The following ZNF236 variants were observed in gnomAD, a reference collection of about 807,000 sequenced individuals.
ZNF236 encodes the protein zinc finger protein 236.
In ZNF236, 50 loss-of-function variants were observed where a neutral mutation model predicts 191.2. The observed-to-expected ratio is 0.26, with a 90% CI of 0.21 to 0.33. ZNF236 has a LOEUF of 0.33. ZNF236 is among the 10% of genes least tolerant of loss of function. The pLI is 1.00. For synonymous variants in ZNF236, 907 were observed against 928.8 expected, an observed-to-expected ratio of 0.98 and a Z score of 0.43; for missense variants, 1,754 against 2,374.5, an observed-to-expected ratio of 0.74 and a Z score of 5.43.
intron 1 of ZNF236, among the ~76,000 whole-genome samples, chr18:76,829,389 A>G (rs1031805812): frequency 5.4e-5 from 8 of 148,084 alleles, no homozygotes; most frequent in South Asian, 2.1e-4. Context: ...GTGCAGTGCT[A>G]TGATCTCGGC....
intron 1 of ZNF236, among the ~76,000 whole-genome samples, chr18:76,834,266 A>C (rs1236312663): frequency 6.6e-6 from 1 of 151,790 alleles, no homozygotes; most frequent in Non-Finnish European, 1.5e-5. Flanking sequence ...GAATTTTAAC[A>C]ATCTTCTCAA....
At chr18:76,824,316 G>A (rs766926760) in intron 1 of ZNF236, 16 of 780,980 alleles carry the variant, frequency 2.0e-5, no homozygotes, top group Non-Finnish European at 3.6e-5. Flanking sequence ...TTACGGAAAC[G>A]TTGGTGACCA....
chr18:76,879,786 A>G (rs1432900137), intron 7 of ZNF236, among the ~76,000 whole-genome samples: 1 of 152,176 alleles, frequency 6.6e-6, no homozygotes, highest in African/African-American at 2.4e-5. Context: ...AATTTGTGTA[A>G]CTTGATATTT....
chr18:76,860,969 A>G (rs748643755), intron 3 of ZNF236, among the ~76,000 whole-genome samples: 11 of 152,126 alleles, frequency 7.2e-5, no homozygotes, highest in African/African-American at 1.4e-4. Context: ...GGGAGCTGTG[A>G]GGATGCTTCA....
Position 76,959,984 on chromosome 18 carries a change from A to G in ZNF236, c.5242+168A>G, listed in dbSNP as rs912793650. On this transcript the variant is annotated intron_variant, in intron 29 of 30. Transcript: ENST00000320610. ...GAGTTTTGACCTATTTATTGTCATA[A>G]CTAACTTTTCACATGGAAGATTTTG... Among the ~76,000 whole-genome samples, 8 of 152,182 alleles carry G rather than the reference A, an allele frequency of 5.3e-5. No individual in the cohort carries two copies. The East Asian group carries it at 1.5e-3, about 29-fold the overall frequency.
In ZNF236 at chr18:76,972,032, C is replaced by T. The variant is rs1370015550; in HGVS notation, c.*3693C>T. Among the ~76,000 whole-genome samples the T allele has an allele frequency of 3.9e-5, 6 of 152,176 alleles. No individual in the cohort carries two copies. The highest frequency in any genetic ancestry group is 2.4e-5 in the African/African-American group (1 of 41,424). On this transcript the variant is annotated 3_prime_UTR_variant, in exon 31 of 31. Transcript: ENST00000320610. ...TAAGTGAGGCAGAGATGAGATTATG[C>T]GGCGGATACTTCTGAAGGAAGCGTT...
chr18:76,823,979 G>T (rs1181668474), intron 1 of ZNF236, among the ~76,000 whole-genome samples: 1 of 152,210 alleles, frequency 6.6e-6, no homozygotes, highest in Non-Finnish European at 1.5e-5. Flanking sequence ...GGGGTTCTAA[G>T]GGGGAGTGGG....
rs368040309 is a variant in ZNF236, at chr18:76,855,984, AG to A, written c.363+4046del. Among the ~76,000 whole-genome samples the A allele has an allele frequency of 2.3e-3, 344 of 152,322 alleles. 1 individual carries two copies. Among genetic ancestry groups the A allele is most frequent in the African/African-American group, 7.6e-3 (318 of 41,576 alleles). ...TTGATATTGTCAAATTGTTTTCCAA[AG>A]AGATTTTGTCAGTTTATCCTCCAGC... On this transcript the variant is annotated intron_variant, in intron 3 of 30. Transcript: ENST00000320610.
rs1236714714 is a variant in ZNF236, at chr18:76,925,321, C to G, written c.3794C>G (p.Ser1265Trp). 6.2e-7 allele frequency: 1 copy of G among 1,614,148 alleles called. No individual in the cohort carries two copies. Among genetic ancestry groups the G allele is most frequent in the Non-Finnish European group, 8.5e-7 (1 of 1,180,036 alleles). The change falls in exon 22 of 31, where the codon TCG (serine) becomes TGG (tryptophan). Residue 1265 changes from serine (S) to tryptophan (W), a missense_variant. Physicochemically the swap from Ser to Trp is radical, Grantham distance 177 (BLOSUM62 -3). Transcript: ENST00000320610. The surrounding 1 kb of genome is among the most constrained non-coding windows in gnomAD (Gnocchi z 5.7). ...CPHCELRFRT[S>W]GRRKTHMQFH... ...CATTGCGAGCTGCGTTTCCGTACCTCGGGTAGAAGAAAGACACACATGCAG... is the reference window on the plus strand; with the variant it reads ...CATTGCGAGCTGCGTTTCCGTACCTGGGGTAGAAGAAAGACACACATGCAG...
intron 11 of ZNF236, among the ~76,000 whole-genome samples, chr18:76,899,885 T>C (rs1568219564): frequency 6.6e-6 from 1 of 152,172 alleles, no homozygotes; most frequent in Admixed American, 6.5e-5. Flanking sequence ...TTCTCACAGT[T>C]CTAGAGGCTG....
chr18:76,956,207 G>T, intron 28 of ZNF236, 25 bp downstream of exon 28: 1 of 1,540,644 alleles, frequency 6.5e-7, no homozygotes, highest in Non-Finnish European at 8.7e-7. Context: ...CCAGGGCACA[G>T]CTGTGTGCCC....
intron 27 of ZNF236, among the ~76,000 whole-genome samples, chr18:76,954,632 A>C (rs1007142347): frequency 2.0e-5 from 3 of 152,226 alleles, no homozygotes; most frequent in African/African-American, 7.2e-5. Context: ...TTCTAGAATA[A>C]CACCTATAGA....
chr18:76,947,659 G>A lies in ZNF236; in HGVS notation c.4914+7G>A. On this transcript the variant is annotated splice_region_variant and intron_variant, in intron 27 of 30. Transcript: ENST00000320610. Reference sequence around the variant, plus strand: ...TGAAGAAATAGCCTACCAGGTACAGGATATTCCTTCATTCACAGAGCTTTT... The same window carrying A: ...TGAAGAAATAGCCTACCAGGTACAGAATATTCCTTCATTCACAGAGCTTTT... 6.2e-7 allele frequency: 1 copy of A among 1,611,948 alleles called. No homozygotes were observed. Among genetic ancestry groups the A allele is most frequent in the Middle Eastern group, 1.7e-4 (1 of 6,046 alleles).
chr18:76,925,589 G>C lies in ZNF236; in HGVS notation c.4027+35G>C. ...GAGCCGAGGGAATGAGAGCAGCACA[G>C]TGATTGAACTGTTCTGTGCTGCTTC... is the stretch of plus-strand genomic sequence containing the variant. On this transcript the variant is annotated intron_variant, in intron 22 of 30. Coordinates refer to ENST00000320610, the MANE Select transcript of ZNF236 (RefSeq NM_001306089.2). This position sits in a 1 kb window ranked among gnomAD's most constrained non-coding sequence, Gnocchi z 5.7. 6.3e-7 allele frequency: 1 copy of C among 1,597,812 alleles called. No individual in the cohort carries two copies. The highest frequency in any genetic ancestry group is 8.5e-7 in the Non-Finnish European group (1 of 1,175,232).
At chr18:76,826,277 A>AT (rs937771474) in intron 1 of ZNF236, among the ~76,000 whole-genome samples, 1,734 of 119,394 alleles carry the variant, frequency 0.015, 18 homozygotes, top group East Asian at 0.023. Context: ...ATGGCTAGCT[A>AT]TTTTTTTTTT....
Position 76,880,478 on chromosome 18 carries a change from A to G in ZNF236, c.1188+162A>G. ...AATTAATATGCCTACTTAATTGCTT[A>G]TGGACGGCGCAACATTCAAATGATT... On this transcript the variant is annotated intron_variant, in intron 8 of 30. Coordinates refer to ENST00000320610, the MANE Select transcript of ZNF236 (RefSeq NM_001306089.2). This position sits in a 1 kb window ranked among gnomAD's most constrained non-coding sequence, Gnocchi z 5.0. 6.6e-6 allele frequency among the ~76,000 whole-genome samples: 1 copy of G among 152,188 alleles called. No homozygotes were observed. The highest frequency in any genetic ancestry group is 1.9e-4 in the East Asian group (1 of 5,202).
chr18:76,841,931 T>A (rs1975519225), intron 1 of ZNF236, among the ~76,000 whole-genome samples: 1 of 152,090 alleles, frequency 6.6e-6, no homozygotes, highest in Non-Finnish European at 1.5e-5. Context: ...ACCCTTGACC[T>A]CAGGTGATCT....
intron 27 of ZNF236, among the ~76,000 whole-genome samples, chr18:76,954,280 C>T (rs558189744): frequency 6.6e-6 from 1 of 152,122 alleles, no homozygotes; most frequent in Non-Finnish European, 1.5e-5. Flanking sequence ...TGATGTGGAC[C>T]AGATATTGAA....
intron 9 of ZNF236, chr18:76,887,593 G>A (rs1051364773): frequency 6.6e-6 from 1 of 152,144 alleles, no homozygotes; most frequent in Non-Finnish European, 1.5e-5. Flanking sequence ...CAGAGACTGG[G>A]TAATTTATAA....
Sources: allele counts gnomAD v4.1 joint callset (sites outside exome capture counted in the v4.1 genomes callset), GRCh38; gene constraint gnomAD v4.1.1; non-coding constraint Gnocchi (gnomAD v3.1); transcripts MANE v1.5; gene names NCBI Gene and HGNC (gene_info 2026-07-23, HGNC 2026-07-21).